TBCCD1: variants seen among roughly 807,000 people sequenced by gnomAD.
TBCCD1 encodes the protein TBCC domain containing 1, also known as TBCC domain-containing protein 1.
In TBCCD1, 26 loss-of-function variants were observed where a neutral mutation model predicts 53.4. The observed-to-expected ratio is 0.49, with a 90% confidence interval of 0.36 to 0.68. The LOEUF (loss-of-function observed/expected upper bound fraction) is 0.68, where lower values mean the gene tolerates loss of function less well. TBCCD1 is among the 30% of genes least tolerant of loss of function. The probability of loss-of-function intolerance (pLI) is 0.00; values close to 1 mark genes in which losing one functional copy is unlikely to be tolerated. For missense variants in TBCCD1, 558 were observed against 669.5 expected (o/e 0.83, Z 1.84); for synonymous variants, 245 against 241.7 (o/e 1.01, Z -0.13).
At chr3:186,570,429 T>C (rs919861156), upstream of TBCCD1, 7 of 475,462 alleles carry the variant, frequency 1.5e-5, no homozygotes, top group Non-Finnish European at 1.8e-5. Context: ...GCCGGAGGGA[T>C]TTCGTGTACC....
intron 3 of TBCCD1, 91 bp downstream of exon 3, chr3:186,558,326 T>C (rs1714597988): frequency 6.8e-7 from 1 of 1,462,014 alleles, no homozygotes; most frequent in South Asian, 1.3e-5. Flanking sequence ...CTGGCTTATG[T>C]AAGAAATCTC....
chr3:186,559,207 C>A (rs1351511940), intron 2 of TBCCD1, among the ~76,000 whole-genome samples: 1 of 151,992 alleles, frequency 6.6e-6, no homozygotes, highest in Non-Finnish European at 1.5e-5. Flanking sequence ...AAAAAACCAA[C>A]CTTAGTAATT....
intron 4 of TBCCD1, among the ~76,000 whole-genome samples, chr3:186,555,455 T>G (rs1225222246): frequency 6.6e-6 from 1 of 152,218 alleles, no homozygotes; most frequent in East Asian, 1.9e-4. Context: ...TGCTTTACTT[T>G]ATCATCCCAA....
intron 6 of TBCCD1, 112 bp downstream of exon 6, chr3:186,554,142 C>T: frequency 6.7e-7 from 1 of 1,496,544 alleles, no homozygotes; most frequent in Non-Finnish European, 9.0e-7. Flanking sequence ...GCCACCGCGC[C>T]CAGCCTTACA....
chr3:186,565,904 T>C (rs921901823), intron 1 of TBCCD1, among the ~76,000 whole-genome samples: 1 of 152,258 alleles, frequency 6.6e-6, no homozygotes, highest in Admixed American at 6.5e-5. Flanking sequence ...CCTACTTCAC[T>C]GTGCACTCCT....
At chr3:186,547,450 C>T (rs1299883341) in intron 7 of TBCCD1, among the ~76,000 whole-genome samples, 1 of 151,514 alleles carries the variant, frequency 6.6e-6, no homozygotes, top group Non-Finnish European at 1.5e-5. Context: ...GAGACAGGGT[C>T]TCATTATATT....
rs766920672 is a variant in TBCCD1, at chr3:186,554,975, G to T, written c.969C>A (p.Ser323Arg). The T allele has an allele frequency of 4.0e-5, 64 of 1,613,840 alleles. No homozygotes were observed. The African/African-American group carries it at 5.6e-4, about 14-fold the overall frequency. ...SQVYKQTLAK[S>R]SDTLAGAHVK... ...CATGTGCCCCCGCCAGAGTGTCTGA[G>T]CTCTTAGCCAGTGTCTGCTTGTAAA... is the stretch of plus-strand genomic sequence containing the variant. Residue 323 changes from serine (S) to arginine (R), a missense_variant, in exon 5 of 8, where the codon AGC (serine) becomes AGA (arginine). Physicochemically the swap from Ser to Arg is moderately radical, Grantham distance 110. Transcript: ENST00000338733.
At chr3:186,570,100 G>A, upstream of TBCCD1, 1 of 700,148 alleles carries the variant, frequency 1.4e-6, no homozygotes, top group Non-Finnish European at 2.6e-6. Flanking sequence ...GGGGTGGGGG[G>A]TCTCACCACT....
rs747163290 is a variant in TBCCD1 at position 186,556,440 on chromosome 3, C to T, written c.828G>A (p.Lys276=). The T allele has an allele frequency of 1.9e-6, 3 of 1,600,906 alleles. No individual in the cohort carries two copies. The highest frequency in any genetic ancestry group is 2.5e-6 in the Non-Finnish European group (3 of 1,177,214). ...GNPFGTSACL[K]SGKKLAWAHQ... ...GAGCCCAAGCCAATTTCTTTCCAGA[C>T]TTGAGGCAAGCTGATGTACCAAATG... is the stretch of plus-strand genomic sequence containing the variant. Residue 276 remains lysine, a synonymous_variant, in exon 4 of 8, where the codon AAG becomes AAA. Coordinates refer to ENST00000338733, the MANE Select transcript of TBCCD1 (RefSeq NM_018138.5).
At chr3:186,560,069 TC>T (rs1451050360) in intron 2 of TBCCD1, among the ~76,000 whole-genome samples, 2 of 152,102 alleles carry the variant, frequency 1.3e-5, no homozygotes, top group African/African-American at 4.8e-5. Context: ...TAAGTGTAAT[TC>T]CCTGATTTTA....
At chr3:186,568,307 C>T (rs1184554249), upstream of TBCCD1, among the ~76,000 whole-genome samples, 1 of 147,786 alleles carries the variant, frequency 6.8e-6, no homozygotes, top group Non-Finnish European at 1.5e-5. Context: ...GGAGAATAGA[C>T]AATACATATT....
intron 1 of TBCCD1, 94 bp downstream of exon 1, chr3:186,567,173 G>A (rs575440603): frequency 6.6e-6 from 1 of 152,396 alleles, no homozygotes; most frequent in African/African-American, 2.4e-5. Context: ...TAGCTGACCC[G>A]AGACGCGGTA....
upstream of TBCCD1, chr3:186,570,504 A>T: frequency 2.0e-6 from 1 of 493,550 alleles, no homozygotes; most frequent in Non-Finnish European, 3.5e-6. Context: ...GCGGTAGCTC[A>T]GGCAGAGCGG....
intron 3 of TBCCD1, among the ~76,000 whole-genome samples, chr3:186,558,158 C>T (rs893806575): frequency 6.6e-6 from 1 of 152,146 alleles, no homozygotes; most frequent in Non-Finnish European, 1.5e-5. Context: ...AACGGCAGTG[C>T]TAATTGAACA....
chr3:186,559,118 A>C (rs1714624571), intron 2 of TBCCD1, among the ~76,000 whole-genome samples: 1 of 152,232 alleles, frequency 6.6e-6, no homozygotes, highest in African/African-American at 2.4e-5. Context: ...TGGCTATAGA[A>C]ATTATCTCTC....
intron 2 of TBCCD1, among the ~76,000 whole-genome samples, chr3:186,562,966 A>C (rs1348750996): frequency 1.3e-5 from 2 of 152,250 alleles, no homozygotes; most frequent in Non-Finnish European, 2.9e-5. Flanking sequence ...CGGAGCCTGG[A>C]CAAATGCCAT....
chr3:186,554,195 T>C, intron 6 of TBCCD1, 59 bp downstream of exon 6: 1 of 1,592,964 alleles, frequency 6.3e-7, no homozygotes, highest in Non-Finnish European at 8.5e-7. Flanking sequence ...TGCAGACTAA[T>C]TTGTTTCTCC....
chr3:186,554,411 G>A lies in TBCCD1; in HGVS notation c.1387C>T (p.Pro463Ser). 6.2e-7 allele frequency: 1 copy of A among 1,614,214 alleles called. No individual in the cohort carries two copies. The highest frequency in any genetic ancestry group is 8.5e-7 in the Non-Finnish European group (1 of 1,180,042). ...SDTRVFQLLP[P>S]CEFYVFIIPF... Reference sequence around the variant, plus strand: ...ATAATAAATACATAGAATTCACAAGGTGGTAAAAGCTGGAAGACTCTTGTG... The same window carrying A: ...ATAATAAATACATAGAATTCACAAGATGGTAAAAGCTGGAAGACTCTTGTG... Residue 463 changes from proline (P) to serine (S), a missense_variant, in exon 6 of 8, where the codon CCT (proline) becomes TCT (serine). By Grantham distance (74) the Pro-to-Ser change is moderately conservative. Transcript: ENST00000338733.
At chr3:186,556,831 A>G in intron 3 of TBCCD1, 56 bp from the exon 4 acceptor site, 1 of 1,531,564 alleles carries the variant, frequency 6.5e-7, no homozygotes, top group South Asian at 1.3e-5. Flanking sequence ...AAGATCTAAA[A>G]TTTCTATATT....
Sources: gnomAD v4.1 joint callset for allele counts (sites outside exome capture counted in the v4.1 genomes callset) on GRCh38, gnomAD v4.1.1 for gene constraint, MANE v1.5 for transcripts, NCBI Gene and HGNC (gene_info 2026-07-23, HGNC 2026-07-21) for gene names.